WDR12: variants seen among roughly 807,000 people sequenced by gnomAD.
WDR12 encodes ribosome biogenesis protein WDR12.
WDR12 carries 42 observed loss-of-function variants against 64.3 expected under a neutral mutation model. The ratio of observed to expected loss-of-function variants is 0.65; its 90% confidence interval spans 0.51 to 0.84. The LOEUF (loss-of-function observed/expected upper bound fraction) is 0.84. WDR12 is among the 40% of genes least tolerant of loss of function. WDR12 has a pLI of 0.00. For missense variants in WDR12, 469 were observed against 494.6 expected, an observed-to-expected ratio of 0.95 and a Z score of 0.49; for synonymous variants, 158 against 173.3, an observed-to-expected ratio of 0.91 and a Z score of 0.70.
rs1196775851 is a variant in WDR12, at chr2:202,882,750, A to C, written c.1155T>G (p.His385Gln). The stretch of plus-strand genomic sequence containing the variant: ...AGTCTACACTCAGAACTTTGTCTTC[A>C]TGAGCAGCCAGATCATAGAGAGGAG... Reference protein sequence around the residue: ...CKAPLYDLAAHEDKVLSVDWT... With the variant: ...CKAPLYDLAAQEDKVLSVDWT... The change falls in exon 12 of 13, where the codon CAT becomes CAG. Residue 385 changes from histidine (H) to glutamine (Q), a missense_variant. Physicochemically the swap from His to Gln is conservative, Grantham distance 24. Coordinates refer to ENST00000261015, the MANE Select transcript of WDR12 (RefSeq NM_018256.4). 2 of 1,614,126 alleles carry C rather than the reference A, an allele frequency of 1.2e-6. No homozygotes were observed. The highest frequency in any genetic ancestry group is 1.7e-6 in the Non-Finnish European group (2 of 1,179,954).
chr2:202,889,225 C>T (rs184378094), intron 8 of WDR12, among the ~76,000 whole-genome samples: 112 of 152,116 alleles, frequency 7.4e-4, no homozygotes, highest in Middle Eastern at 3.4e-3. Context: ...AGCAAGCTTA[C>T]GAAAGTATGC....
chr2:202,897,924 TA>T (rs1160065096), intron 4 of WDR12, among the ~76,000 whole-genome samples: 4 of 123,798 alleles, frequency 3.2e-5, no homozygotes, highest in African/African-American at 5.7e-5. Flanking sequence ...TATATATATA[TA>T]AAAAATATAT....
intron 7 of WDR12, among the ~76,000 whole-genome samples, chr2:202,893,322 A>G (rs1382134760): frequency 6.6e-6 from 1 of 152,174 alleles, no homozygotes; most frequent in Non-Finnish European, 1.5e-5. Context: ...TATGTAAAAC[A>G]TTAAAACGTT....
chr2:202,909,007 T>C (rs1003539463), intron 1 of WDR12, among the ~76,000 whole-genome samples: 2 of 152,188 alleles, frequency 1.3e-5, no homozygotes, highest in African/African-American at 4.8e-5. Context: ...TCACATCCAC[T>C]AGGGTGCTAT....
chr2:202,892,790 T>C (rs1688177321), intron 7 of WDR12, 88 bp from the exon 8 acceptor site: 2 of 903,964 alleles, frequency 2.2e-6, no homozygotes, highest in Non-Finnish European at 3.3e-6. Context: ...CCAGATATAG[T>C]TTTTCCACGT....
intron 5 of WDR12, among the ~76,000 whole-genome samples, chr2:202,896,865 T>C (rs946387907): frequency 1.3e-5 from 2 of 152,010 alleles, no homozygotes; most frequent in African/African-American, 4.8e-5. Flanking sequence ...TAGGTGCCTG[T>C]AGTCCCAGCT....
rs1559158177 is a variant in WDR12, at chr2:202,883,599, T to C, written c.1121+10A>G. On this transcript the variant is annotated intron_variant, in intron 11 of 12. Transcript: ENST00000261015. ...ATATGTTTCTCTTATAGATCATAAATAGAATTTACCTTCTTGTATCCCACA... is the reference window on the plus strand; with the variant it reads ...ATATGTTTCTCTTATAGATCATAAACAGAATTTACCTTCTTGTATCCCACA... The C allele has an allele frequency of 3.1e-6, 5 of 1,612,476 alleles. No individual in the cohort carries two copies. In the East Asian group the frequency reaches 6.7e-5, roughly 22 times the overall value.
chr2:202,880,923 T>C lies in WDR12; in HGVS notation c.1209A>G (p.Gly403=), dbSNP rs950025264. The change falls in exon 13 of 13, where the codon GGA becomes GGG. Residue 403 remains glycine, a synonymous_variant. Transcript: ENST00000261015. ...AGGAATACAATTTATTGTCTGCTCC[T>C]CCACTCAGAAGTAGCTGTGTAAAAG... ...DWTDTGLLLS[G]GADNKLYSYR... 3 of 1,608,606 alleles carry C rather than the reference T, an allele frequency of 1.9e-6. No homozygotes were observed. Among genetic ancestry groups the C allele is most frequent in the Non-Finnish European group, 2.5e-6 (3 of 1,177,382 alleles).
At chr2:202,884,702 T>A (rs372278089) in intron 8 of WDR12, among the ~76,000 whole-genome samples, 167 bp from the exon 9 acceptor site, 11 of 152,256 alleles carry the variant, frequency 7.2e-5, no homozygotes, top group African/African-American at 2.2e-4. Flanking sequence ...CTGTTTTTAT[T>A]TTATACAAGA....
At chr2:202,888,101 A>T (rs1688083742) in intron 8 of WDR12, among the ~76,000 whole-genome samples, 1 of 152,192 alleles carries the variant, frequency 6.6e-6, no homozygotes, top group African/African-American at 2.4e-5. Flanking sequence ...GATTAAACCA[A>T]CTGTGGCATA....
intron 8 of WDR12, among the ~76,000 whole-genome samples, chr2:202,891,584 A>G (rs1311225859): frequency 3.3e-5 from 5 of 152,148 alleles, no homozygotes; most frequent in Non-Finnish European, 7.4e-5. Context: ...TGGAACCAGT[A>G]AGCGCTAATA....
intron 8 of WDR12, among the ~76,000 whole-genome samples, chr2:202,891,554 T>C (rs1688157145): frequency 6.6e-6 from 1 of 152,218 alleles, no homozygotes; most frequent in Non-Finnish European, 1.5e-5. Context: ...ATTAAGAAAT[T>C]ATAAATCATT....
In WDR12 at chr2:202,880,755, T is replaced by C; in HGVS notation, c.*105A>G. ...TGTTATGAAGGGTGAAAACATTATA[T>C]AAACTTCAAAAGGCTGCTTTCTGCA... On this transcript the variant is annotated 3_prime_UTR_variant, in exon 13 of 13. Coordinates refer to ENST00000261015, the MANE Select transcript of WDR12 (RefSeq NM_018256.4). 1 of 917,500 alleles carries C rather than the reference T, an allele frequency of 1.1e-6. No individual in the cohort carries two copies. The highest frequency in any genetic ancestry group is 1.9e-5 in the South Asian group (1 of 51,328). The allele number at this position is 917,500 out of a possible 1,614,324, so 56.8% of individuals were successfully genotyped here.
intron 8 of WDR12, among the ~76,000 whole-genome samples, chr2:202,890,602 T>C (rs527872905): frequency 1.1e-3 from 161 of 151,742 alleles, no homozygotes; most frequent in Middle Eastern, 3.4e-3. Context: ...ACCCCGTCTC[T>C]ACAAAAAAAA....
intron 1 of WDR12, among the ~76,000 whole-genome samples, chr2:202,911,022 A>G (rs1688604029): frequency 6.6e-6 from 1 of 152,234 alleles, no homozygotes; most frequent in Non-Finnish European, 1.5e-5. Flanking sequence ...AAGGCAGCAT[A>G]TAATTAGTTT....
At chr2:202,894,458 G>T in intron 7 of WDR12, 123 bp downstream of exon 7, 2 of 751,030 alleles carry the variant, frequency 2.7e-6, no homozygotes, top group Non-Finnish European at 4.2e-6. Flanking sequence ...GTGGCCTCAA[G>T]TGATCCTTCT....
At position 202,896,700 on chromosome 2, in the gene WDR12, A is replaced by T. The variant is rs1252969296; in HGVS notation, c.455-481T>A. On this transcript the variant is annotated intron_variant, in intron 5 of 12. Coordinates refer to ENST00000261015, the MANE Select transcript of WDR12 (RefSeq NM_018256.4). ...AGTGAGACTCTGCCTCAAAAAACAA[A>T]CAAACAGGCTGGGTGCAGTGGCTCA... is the stretch of plus-strand genomic sequence containing the variant. 2.0e-5 allele frequency among the ~76,000 whole-genome samples: 3 copies of T among 151,386 alleles called. No individual in the cohort carries two copies. In the East Asian group the frequency reaches 5.9e-4, roughly 30 times the overall value.
intron 11 of WDR12, chr2:202,883,362 C>A: frequency 2.7e-6 from 1 of 373,966 alleles, no homozygotes; most frequent in Non-Finnish European, 4.9e-6. Context: ...TCCTGAACAC[C>A]CAGCCTCAGG....
intron 11 of WDR12, chr2:202,882,988 A>T: frequency 2.1e-6 from 1 of 470,050 alleles, no homozygotes; most frequent in Non-Finnish European, 3.8e-6. Flanking sequence ...TATAACAAAT[A>T]TATTCAGAAA....
Sources: allele counts gnomAD v4.1 joint callset (sites outside exome capture counted in the v4.1 genomes callset), GRCh38; gene constraint gnomAD v4.1.1; transcripts MANE v1.5; gene names NCBI Gene and HGNC (gene_info 2026-07-23, HGNC 2026-07-21).